CCNY: variants seen among roughly 807,000 people sequenced by gnomAD.
The protein encoded by CCNY is cyclin Y.
CCNY carries 19 observed loss-of-function variants against 42.8 expected under a neutral mutation model. The ratio of observed to expected loss-of-function variants is 0.44; its 90% CI spans 0.31 to 0.65. The LOEUF (loss-of-function observed/expected upper bound fraction) is 0.65, where lower values mean the gene tolerates loss of function less well. Ranked by LOEUF, CCNY falls within the 30% of genes least tolerant of loss-of-function variation. CCNY has a pLI of 0.07. For missense variants in CCNY, 370 were observed against 437.3 expected (o/e 0.85, Z 1.37); for synonymous variants, 165 against 162.7 (o/e 1.01, Z -0.11).
chr10:35,471,439 A>T (rs1356894559), intron 1 of CCNY, among the ~76,000 whole-genome samples: 1 of 152,126 alleles, frequency 6.6e-6, no homozygotes, highest in African/African-American at 2.4e-5. Context: ...TGGATCCTTT[A>T]TAACACTGGA....
chr10:35,384,872 T>C (rs560668849), intron 1 of CCNY, among the ~76,000 whole-genome samples: 7 of 152,312 alleles, frequency 4.6e-5, no homozygotes, highest in African/African-American at 1.7e-4. Context: ...CCTCAATTGA[T>C]GCCTTGGTGG....
At chr10:35,436,151 C>A (rs1838527581) in intron 1 of CCNY, among the ~76,000 whole-genome samples, 1 of 151,974 alleles carries the variant, frequency 6.6e-6, no homozygotes, top group Admixed American at 6.6e-5. Context: ...CTGGGCAAGG[C>A]CAGGAGGGAA....
intron 4 of CCNY, among the ~76,000 whole-genome samples, chr10:35,520,237 G>A (rs1297159785): frequency 1.3e-5 from 2 of 152,152 alleles, no homozygotes; most frequent in African/African-American, 2.4e-5. Flanking sequence ...CAGCTAGAGG[G>A]TTGACAATAT....
In CCNY at chr10:35,470,790, T is replaced by G. The variant is rs903918303; in HGVS notation, c.155-12614T>G. Among the ~76,000 whole-genome samples the G allele has an allele frequency of 4.6e-5, 7 of 152,188 alleles. 1 individual carries two copies. The South Asian group carries it at 1.0e-3, about 23-fold the overall frequency. ...AAACCAGCCTGGTCAGCTCCTGATT[T>G]CATCCTGTTGACACTAACAAATGGA... On this transcript the variant is annotated intron_variant, in intron 1 of 9. Coordinates refer to ENST00000374704, the MANE Select transcript of CCNY (RefSeq NM_145012.6).
intron 1 of CCNY, among the ~76,000 whole-genome samples, chr10:35,351,853 A>G (rs1285349807): frequency 6.6e-6 from 1 of 152,180 alleles, no homozygotes; most frequent in Admixed American, 6.5e-5. Context: ...CTTTGCAAAG[A>G]CCAGTGCTCC....
At chr10:35,412,903 G>A (rs558476156) in intron 1 of CCNY, among the ~76,000 whole-genome samples, 1 of 147,770 alleles carries the variant, frequency 6.8e-6, no homozygotes, top group African/African-American at 2.6e-5. Flanking sequence ...TTGCGCGGCG[G>A]GCAAGAGGAT....
intron 3 of CCNY, among the ~76,000 whole-genome samples, chr10:35,305,897 C>T (rs1835600646): frequency 6.6e-6 from 1 of 152,094 alleles, no homozygotes; most frequent in South Asian, 2.1e-4. Context: ...TGCTTGGGAT[C>T]ATTAGAGTGG....
At chr10:35,370,011 A>G (rs1355189309) in intron 1 of CCNY, among the ~76,000 whole-genome samples, 5 of 152,218 alleles carry the variant, frequency 3.3e-5, no homozygotes, top group Non-Finnish European at 5.9e-5. Context: ...AGTAAGCCTT[A>G]AAGTTTGAGA....
intron 8 of CCNY, 114 bp from the exon 9 acceptor site, chr10:35,565,909 G>A (rs553561694): frequency 2.0e-6 from 2 of 1,012,214 alleles, no homozygotes; most frequent in South Asian, 1.6e-5. Flanking sequence ...TTAGATCACT[G>A]GTCTTCCTGG....
intron 3 of CCNY, among the ~76,000 whole-genome samples, chr10:35,258,490 C>T (rs1349613613): frequency 3.3e-5 from 5 of 152,106 alleles, no homozygotes. Context: ...AGGGTCTTGC[C>T]ACAATGACAG....
chr10:35,378,638 G>T (rs1195522141), intron 1 of CCNY, among the ~76,000 whole-genome samples: 2 of 152,114 alleles, frequency 1.3e-5, no homozygotes, highest in Non-Finnish European at 2.9e-5. Flanking sequence ...GGGCGAGGGA[G>T]ATGAAGCCCG....
At chr10:35,522,795 G>A (rs1279558607) in intron 4 of CCNY, among the ~76,000 whole-genome samples, 1 of 152,176 alleles carries the variant, frequency 6.6e-6, no homozygotes, top group East Asian at 1.9e-4. Context: ...CTAACTGCTT[G>A]TTTAGGAATA....
intron 7 of CCNY, among the ~76,000 whole-genome samples, chr10:35,539,927 G>A (rs1589192407): frequency 6.6e-6 from 1 of 152,078 alleles, no homozygotes; most frequent in African/African-American, 2.4e-5. Flanking sequence ...GATTGATCTT[G>A]TACCCTGCCA....
intron 1 of CCNY, among the ~76,000 whole-genome samples, chr10:35,348,278 T>C (rs188874887): frequency 2.9e-4 from 44 of 152,372 alleles, no homozygotes; most frequent in Admixed American, 9.8e-4. Flanking sequence ...GTCTGATGTC[T>C]GATTTGTCAT....
chr10:35,350,109 C>T (rs916164353), intron 1 of CCNY, among the ~76,000 whole-genome samples: 2 of 152,148 alleles, frequency 1.3e-5, no homozygotes, highest in Admixed American at 6.5e-5. Flanking sequence ...ACATTAGGTT[C>T]TAAGATGGTG....
intron 1 of CCNY, among the ~76,000 whole-genome samples, chr10:35,461,648 C>T (rs1445173338): frequency 1.3e-5 from 2 of 152,174 alleles, no homozygotes; most frequent in South Asian, 2.1e-4. Flanking sequence ...CATCCCCCAG[C>T]ATCTTGGGGA....
intron 7 of CCNY, among the ~76,000 whole-genome samples, chr10:35,551,689 T>C (rs1218939270): frequency 2.6e-5 from 4 of 152,248 alleles, no homozygotes; most frequent in Non-Finnish European, 5.9e-5. Flanking sequence ...CCCAACTTAA[T>C]GGGCTTTGTA....
chr10:35,346,836 G>A (rs900915419), intron 1 of CCNY, among the ~76,000 whole-genome samples: 3 of 152,122 alleles, frequency 2.0e-5, no homozygotes, highest in Admixed American at 2.0e-4. Context: ...CTTGTTGCCC[G>A]GGCTGGTCTC....
intron 1 of CCNY, among the ~76,000 whole-genome samples, chr10:35,372,598 T>C (rs1442940275): frequency 6.6e-6 from 1 of 152,220 alleles, no homozygotes; most frequent in African/African-American, 2.4e-5. Context: ...CTCTGGCTTG[T>C]ACTTTTGCTG....
Sources: gnomAD v4.1 joint callset for allele counts (sites outside exome capture counted in the v4.1 genomes callset) on GRCh38, gnomAD v4.1.1 for gene constraint, MANE v1.5 for transcripts, NCBI Gene and HGNC (gene_info 2026-07-23, HGNC 2026-07-21) for gene names.